The following TAFA1 variants were observed in gnomAD, a reference collection of about 807,000 sequenced individuals.
TAFA1 encodes TAFA chemokine like family member 1.
A neutral mutation model predicts 18.5 loss-of-function variants in TAFA1; 4 were observed. The observed-to-expected ratio is 0.22, with a 90% CI of 0.11 to 0.49. The LOEUF is 0.49. Among genes scored for constraint, TAFA1 ranks in the 20% least tolerant of loss-of-function variants. The pLI, the probability that TAFA1 is intolerant of heterozygous loss-of-function variation, is 0.98. For synonymous variants in TAFA1, 56 were observed against 55.2 expected (o/e 1.01, Z -0.06); for missense variants, 147 against 169.0 (o/e 0.87, Z 0.72).
chr3:68,498,217 G>A (rs1160105715), intron 3 of TAFA1, among the ~76,000 whole-genome samples: 2 of 152,166 alleles, frequency 1.3e-5, no homozygotes, highest in Non-Finnish European at 2.9e-5. Context: ...AAGTTGCAAT[G>A]AGGATGAAAA....
chr3:68,042,230 A>G (rs998641758), intron 2 of TAFA1, among the ~76,000 whole-genome samples: 13 of 139,030 alleles, frequency 9.4e-5, no homozygotes, highest in Non-Finnish European at 1.5e-5. Context: ...ATATTTGGGA[A>G]ACTAAACAAT....
intron 2 of TAFA1, among the ~76,000 whole-genome samples, chr3:68,275,145 A>G (rs185420523): frequency 6.6e-6 from 1 of 152,278 alleles, no homozygotes; most frequent in African/African-American, 2.4e-5. Context: ...CGAAGAATTT[A>G]TGGCAGGTAC....
chr3:68,440,217 A>T (rs368757846), intron 3 of TAFA1, among the ~76,000 whole-genome samples: 1 of 151,228 alleles, frequency 6.6e-6, no homozygotes, highest in Non-Finnish European at 1.5e-5. Flanking sequence ...CCCTGCACGA[A>T]CTCTCTTCTA....
At chr3:68,154,251 T>C (rs958424876) in intron 2 of TAFA1, among the ~76,000 whole-genome samples, 4 of 152,188 alleles carry the variant, frequency 2.6e-5, no homozygotes, top group Admixed American at 1.3e-4. Flanking sequence ...GCACATCACC[T>C]GAAGGGTTTT....
chr3:68,200,976 C>T (rs1420224972), intron 2 of TAFA1, among the ~76,000 whole-genome samples: 1 of 151,520 alleles, frequency 6.6e-6, no homozygotes, highest in Admixed American at 6.6e-5. Flanking sequence ...TTAAAATTTT[C>T]TAATATATAC....
At chr3:68,274,819 G>C (rs2067762419) in intron 2 of TAFA1, among the ~76,000 whole-genome samples, 1 of 152,100 alleles carries the variant, frequency 6.6e-6, no homozygotes. Flanking sequence ...GCGACTGCTT[G>C]TGCATTCTCT....
At chr3:68,435,753 C>T (rs899413655) in intron 3 of TAFA1, among the ~76,000 whole-genome samples, 1 of 152,166 alleles carries the variant, frequency 6.6e-6, no homozygotes, top group African/African-American at 2.4e-5. Context: ...TTTGGTTTTG[C>T]ATCAAGGATC....
chr3:68,304,899 C>T (rs1379781065), intron 2 of TAFA1, among the ~76,000 whole-genome samples: 1 of 151,980 alleles, frequency 6.6e-6, no homozygotes, highest in African/African-American at 2.4e-5. Flanking sequence ...AAAGGTCACC[C>T]CAGTAGACCA....
chr3:68,218,704 G>C (rs2066692536), intron 2 of TAFA1, among the ~76,000 whole-genome samples: 1 of 152,116 alleles, frequency 6.6e-6, no homozygotes. Flanking sequence ...TTTGCATTGA[G>C]TTAAATTTCT....
chr3:68,209,829 C>T (rs919798758), intron 2 of TAFA1, among the ~76,000 whole-genome samples: 7 of 151,958 alleles, frequency 4.6e-5, no homozygotes, highest in African/African-American at 1.4e-4. Flanking sequence ...ATAAAACCCA[C>T]ACAATTTATA....
At chr3:68,127,649 AGTGGTGGTGGTGGTGTGATGATG>A (rs1405483686) in intron 2 of TAFA1, among the ~76,000 whole-genome samples, 6 of 354 alleles carry the variant, frequency 0.017, no homozygotes, top group South Asian at 0.083. Context: ...TGCTGATGAC[AGTGGTGGTGGTGGTGTGATGATG>A]GTGGTGGTGG....
At chr3:68,287,642 A>G (rs897710754) in intron 2 of TAFA1, among the ~76,000 whole-genome samples, 1 of 151,982 alleles carries the variant, frequency 6.6e-6, no homozygotes, top group Non-Finnish European at 1.5e-5. Context: ...CTTTAAAGGT[A>G]CCTCCTGTTG....
intron 2 of TAFA1, among the ~76,000 whole-genome samples, chr3:68,087,871 C>T (rs13075736): frequency 1.3e-4 from 20 of 151,786 alleles, no homozygotes; most frequent in Admixed American, 1.0e-3. Flanking sequence ...AAATTTTTTT[C>T]TACTATAGGC....
intron 2 of TAFA1, among the ~76,000 whole-genome samples, chr3:68,348,848 A>G (rs1474708216): frequency 6.6e-6 from 1 of 152,090 alleles, no homozygotes; most frequent in African/African-American, 2.4e-5. Context: ...GAAAAGTAGC[A>G]TGGTTGAAAA....
chr3:68,416,481 C>T (rs1249516774), intron 2 of TAFA1, among the ~76,000 whole-genome samples: 1 of 152,180 alleles, frequency 6.6e-6, no homozygotes, highest in African/African-American at 2.4e-5. Context: ...TTTCTGGTCA[C>T]TTGATGTATC....
At chr3:68,186,115 T>C (rs2066267251) in intron 2 of TAFA1, among the ~76,000 whole-genome samples, 2 of 152,152 alleles carry the variant, frequency 1.3e-5, no homozygotes, top group African/African-American at 4.8e-5. Flanking sequence ...AACTTTCTCA[T>C]TGTGCAACTC....
chr3:68,070,399 G>T (rs1033319677), intron 2 of TAFA1, among the ~76,000 whole-genome samples: 1 of 152,186 alleles, frequency 6.6e-6, no homozygotes, highest in Admixed American at 6.5e-5. Context: ...TCCCTAGGCT[G>T]CACACAGCAG....
chr3:68,463,312 C>T (rs535551666), intron 3 of TAFA1, among the ~76,000 whole-genome samples: 48 of 152,196 alleles, frequency 3.2e-4, no homozygotes, highest in Middle Eastern at 3.4e-3. Context: ...AGTTATTTAG[C>T]GAGCATCTAT....
intron 3 of TAFA1, among the ~76,000 whole-genome samples, chr3:68,472,196 G>A (rs1415526573): frequency 1.3e-5 from 2 of 152,070 alleles, no homozygotes; most frequent in African/African-American, 4.8e-5. Flanking sequence ...AATCATGGGG[G>A]TGGTTTTCCC....
Sources: gnomAD v4.1 joint callset for allele counts (sites outside exome capture counted in the v4.1 genomes callset) on GRCh38, gnomAD v4.1.1 for gene constraint, MANE v1.5 for transcripts, NCBI Gene and HGNC (gene_info 2026-07-23, HGNC 2026-07-21) for gene names.